The following SLC8A1 variants were observed in gnomAD, a reference collection of about 807,000 sequenced individuals.
The protein encoded by SLC8A1 is sodium/calcium exchanger 1.
A neutral mutation model predicts 68.3 loss-of-function variants in SLC8A1; 18 were observed. The observed-to-expected ratio is 0.26, with a 90% confidence interval of 0.18 to 0.39. SLC8A1 has a LOEUF of 0.39. SLC8A1 is among the 10% of genes least tolerant of loss of function. SLC8A1 has a pLI of 1.00. For missense variants in SLC8A1, 985 were observed against 1,156.7 expected, an observed-to-expected ratio of 0.85 and a Z score of 2.15; for synonymous variants, 475 against 415.5, an observed-to-expected ratio of 1.14 and a Z score of -1.74.
At chr2:40,326,754 G>C (rs1386248130) in intron 2 of SLC8A1, among the ~76,000 whole-genome samples, 3 of 152,182 alleles carry the variant, frequency 2.0e-5, no homozygotes, top group Non-Finnish European at 2.9e-5. Context: ...CATATTTAAA[G>C]AGGACTCCTT....
chr2:40,308,178 A>G (rs1326621970), intron 2 of SLC8A1, among the ~76,000 whole-genome samples: 1 of 152,114 alleles, frequency 6.6e-6, no homozygotes, highest in Non-Finnish European at 1.5e-5. Flanking sequence ...GCTTTTTGCT[A>G]ATTTCTGAGG....
chr2:40,376,358 T>C (rs1469724716), intron 2 of SLC8A1, among the ~76,000 whole-genome samples: 2 of 152,116 alleles, frequency 1.3e-5, no homozygotes, highest in African/African-American at 2.4e-5. Context: ...ACAGTAGCTA[T>C]GGTTTGTTCG....
At chr2:40,428,817 A>T in exon 2 of SLC8A1, 1 of 1,613,802 alleles carries the variant, frequency 6.2e-7, no homozygotes, top group Non-Finnish European at 8.5e-7. Context: ...GGAAATTTTC[A>T]TCCTCCTCAA....
intron 2 of SLC8A1, among the ~76,000 whole-genome samples, chr2:40,229,857 A>C (rs1355517216): frequency 6.6e-6 from 1 of 152,220 alleles, no homozygotes; most frequent in Non-Finnish European, 1.5e-5. Context: ...TATGCAGGTT[A>C]AAGATATGTA....
intron 4 of SLC8A1, among the ~76,000 whole-genome samples, chr2:40,172,895 T>G (rs1460851582): frequency 1.3e-5 from 2 of 152,064 alleles, no homozygotes; most frequent in Non-Finnish European, 2.9e-5. Context: ...TGAGCCGAGA[T>G]CGCGCCACTG....
In SLC8A1 at chr2:40,480,020, G is replaced by T. The variant is rs546134186; in HGVS notation, c.-25+32329C>A. ...CCACAGTGACTTGATTTTACTGCAGGATGGGACTAACACAGGTCAAGAAAA... is the reference window on the plus strand; with the variant it reads ...CCACAGTGACTTGATTTTACTGCAGTATGGGACTAACACAGGTCAAGAAAA... On this transcript the variant is annotated intron_variant, in intron 1 of 7. Coordinates refer to the SLC8A1 transcript ENST00000402441. 5.3e-5 allele frequency among the ~76,000 whole-genome samples: 8 copies of T among 152,174 alleles called. No homozygotes were observed. The South Asian group carries it at 1.7e-3, about 32-fold the overall frequency.
intron 2 of SLC8A1, among the ~76,000 whole-genome samples, chr2:40,259,337 T>G (rs2064374062): frequency 6.6e-6 from 1 of 152,220 alleles, no homozygotes; most frequent in Admixed American, 6.5e-5. Flanking sequence ...CTTCCACACC[T>G]GTCCAACATA....
chr2:40,494,640 A>AATATAT (rs34595267), intron 1 of SLC8A1, among the ~76,000 whole-genome samples: 1,083 of 92,244 alleles, frequency 0.012, 12 homozygotes, highest in African/African-American at 0.015. Context: ...CTTAAAGTAT[A>AATATAT]ATATATATAT....
exon 2 of SLC8A1, chr2:40,429,789 T>A (rs757937590): frequency 2.5e-6 from 4 of 1,613,704 alleles, no homozygotes; most frequent in Non-Finnish European, 2.5e-6. Flanking sequence ...GACCGAGGTC[T>A]CCTGCAGTGA....
chr2:40,108,982 G>C (rs187175051), exon 8 of SLC8A1: 1 of 152,146 alleles, frequency 6.6e-6, no homozygotes, highest in Non-Finnish European at 1.5e-5. Flanking sequence ...TCTTCTTGGC[G>C]AATAAGCAAT....
At chr2:40,343,484 C>G (rs1176722435) in intron 2 of SLC8A1, among the ~76,000 whole-genome samples, 1 of 152,174 alleles carries the variant, frequency 6.6e-6, no homozygotes, top group Admixed American at 6.5e-5. Context: ...TTAGCACTTA[C>G]TATTTGTAAG....
chr2:40,223,021 T>C (rs2058536444), intron 2 of SLC8A1, among the ~76,000 whole-genome samples: 1 of 152,222 alleles, frequency 6.6e-6, no homozygotes, highest in African/African-American at 2.4e-5. Context: ...TTACTGGTTA[T>C]ATATCCAAAG....
At chr2:40,374,053 G>C (rs1249156829) in intron 2 of SLC8A1, among the ~76,000 whole-genome samples, 1 of 152,232 alleles carries the variant, frequency 6.6e-6, no homozygotes, top group South Asian at 2.1e-4. Context: ...GTAAAGTTTG[G>C]ACTTTTCCAT....
At chr2:40,509,250 C>T (rs902627707) in intron 1 of SLC8A1, among the ~76,000 whole-genome samples, 1 of 152,036 alleles carries the variant, frequency 6.6e-6, no homozygotes, top group African/African-American at 2.4e-5. Context: ...TCCTAGGAAA[C>T]CTTCACCTTC....
chr2:40,458,812 A>G (rs895370825), intron 1 of SLC8A1, among the ~76,000 whole-genome samples: 1 of 152,204 alleles, frequency 6.6e-6, no homozygotes, highest in African/African-American at 2.4e-5. Flanking sequence ...TCTATTAAGA[A>G]GGGTTCACTA....
At chr2:40,429,535 G>A (rs1288461719) in exon 2 of SLC8A1, 1 of 1,613,760 alleles carries the variant, frequency 6.2e-7, no homozygotes, top group Non-Finnish European at 8.5e-7. Flanking sequence ...CGCTACCCAA[G>A]CGAACACAAC....
At chr2:40,200,178 ATATATATATATATT>A (rs2053884948) in intron 2 of SLC8A1, among the ~76,000 whole-genome samples, 1 of 19,946 alleles carries the variant, frequency 5.0e-5, no homozygotes, top group Non-Finnish European at 1.3e-4. Flanking sequence ...TCATTGATAT[ATATATATATATATT>A]TATATATATA....
chr2:40,347,491 A>T (rs1194235221), intron 2 of SLC8A1, among the ~76,000 whole-genome samples: 2 of 152,214 alleles, frequency 1.3e-5, no homozygotes, highest in Non-Finnish European at 2.9e-5. Context: ...CTTGCTGTGT[A>T]TATGACATAC....
At chr2:40,300,562 C>G (rs1218132257) in intron 2 of SLC8A1, among the ~76,000 whole-genome samples, 1 of 152,174 alleles carries the variant, frequency 6.6e-6, no homozygotes, top group Non-Finnish European at 1.5e-5. Flanking sequence ...AAACTAGTTT[C>G]TTGAGCCCCA....
Sources: allele counts gnomAD v4.1 joint callset (sites outside exome capture counted in the v4.1 genomes callset), GRCh38; gene constraint gnomAD v4.1.1; transcripts MANE v1.5; gene names NCBI Gene and HGNC (gene_info 2026-07-23, HGNC 2026-07-21).